The following TXNDC15 variants were observed in gnomAD, a reference collection of about 807,000 sequenced individuals.
TXNDC15 encodes thioredoxin domain containing 15.
TXNDC15 carries 24 observed loss-of-function variants against 35.0 expected under a neutral mutation model. That is an observed-to-expected ratio of 0.68 (90% confidence interval 0.50 to 0.96). TXNDC15 has a LOEUF of 0.96. TXNDC15 is among the 40% of genes least tolerant of loss of function. The pLI, the probability that TXNDC15 is intolerant of heterozygous loss-of-function variation, is 0.00. For missense variants in TXNDC15, 385 were observed against 453.3 expected (o/e 0.85, Z 1.37); for synonymous variants, 169 against 174.0 (o/e 0.97, Z 0.23).
At chr5:134,883,201 T>C (rs1750195514) in intron 1 of TXNDC15, among the ~76,000 whole-genome samples, 6 of 150,298 alleles carry the variant, frequency 4.0e-5, no homozygotes, top group African/African-American at 9.8e-5. Flanking sequence ...CCAAGGTGGG[T>C]GGATCACGAG....
intron 1 of TXNDC15, among the ~76,000 whole-genome samples, chr5:134,882,576 T>G (rs1371797735): frequency 6.6e-6 from 1 of 152,224 alleles, no homozygotes; most frequent in East Asian, 1.9e-4. Context: ...TGAAGGAGAC[T>G]CCTGCAATCC....
chr5:134,894,827 CA>C (rs1460034731), intron 3 of TXNDC15, among the ~76,000 whole-genome samples: 3 of 151,998 alleles, frequency 2.0e-5, no homozygotes, highest in African/African-American at 7.3e-5. Flanking sequence ...AAATCTAGAA[CA>C]TCTGAAAAAT....
At chr5:134,882,743 G>T (rs1750184730) in intron 1 of TXNDC15, among the ~76,000 whole-genome samples, 1 of 152,100 alleles carries the variant, frequency 6.6e-6, no homozygotes, top group Non-Finnish European at 1.5e-5. Context: ...GGCAGGCTGA[G>T]GCAGGAGAAT....
intron 1 of TXNDC15, 91 bp from the exon 2 acceptor site, chr5:134,887,604 G>T: frequency 6.7e-7 from 1 of 1,489,128 alleles, no homozygotes. Flanking sequence ...TCTCCAGAGG[G>T]GAAAATTTCG....
chr5:134,890,541 ACTG>A (rs1198638154), intron 2 of TXNDC15, among the ~76,000 whole-genome samples: 5 of 151,670 alleles, frequency 3.3e-5, no homozygotes, highest in African/African-American at 1.2e-4. Context: ...TCGCCGAATA[ACTG>A]GGATTACAGG....
chr5:134,874,760 G>A (rs1178731013), intron 1 of TXNDC15, among the ~76,000 whole-genome samples: 1 of 152,276 alleles, frequency 6.6e-6, no homozygotes, highest in African/African-American at 2.4e-5. Context: ...GTTGGGCCGC[G>A]TTCAGGCCGC....
At chr5:134,894,806 T>A (rs563749656) in intron 3 of TXNDC15, among the ~76,000 whole-genome samples, 1 of 152,232 alleles carries the variant, frequency 6.6e-6, no homozygotes, top group East Asian at 1.9e-4. Flanking sequence ...ACAAGGAGGT[T>A]GTGTGTAAAT....
Position 134,887,994 on chromosome 5 carries a change from G to GT in TXNDC15, c.403_404insT (p.Gly135ValfsTer8). On this transcript the variant is annotated frameshift_variant, in exon 2 of 5. Coordinates refer to ENST00000358387, the MANE Select transcript of TXNDC15 (RefSeq NM_024715.4). LOFTEE classifies it high-confidence loss of function. ...CCGAGAGAGCCTTTTCTCTCTGGAT[G>GT]GCGCTGGAGCACACTTCCCTGACAG... The GT allele has an allele frequency of 6.2e-7, 1 of 1,614,232 alleles. No individual in the cohort carries two copies. Among genetic ancestry groups the GT allele is most frequent in the Non-Finnish European group, 8.5e-7 (1 of 1,180,048 alleles).
intron 2 of TXNDC15, among the ~76,000 whole-genome samples, chr5:134,888,614 G>A (rs1010890937): frequency 6.6e-6 from 1 of 152,120 alleles, no homozygotes; most frequent in African/African-American, 2.4e-5. Flanking sequence ...CTCCCATGTA[G>A]CTGGGATTAC....
chr5:134,889,652 A>G (rs1431635437), intron 2 of TXNDC15, among the ~76,000 whole-genome samples: 1 of 152,202 alleles, frequency 6.6e-6, no homozygotes, highest in Non-Finnish European at 1.5e-5. Flanking sequence ...ATTCCATTTT[A>G]GATGGTTTGA....
chr5:134,894,209 A>G (rs1750443638), intron 3 of TXNDC15, among the ~76,000 whole-genome samples: 1 of 151,588 alleles, frequency 6.6e-6, no homozygotes, highest in South Asian at 2.1e-4. Context: ...GCTCTTTAAC[A>G]TGACATTTAT....
rs1377316826 is a variant in TXNDC15, at chr5:134,893,477, T to C, written c.592-15T>C. ...CTTTTACTGCTAACTTTAATGCTTG[T>C]TTCTTTTACCACAGGACCTTATGGA... On this transcript the variant is annotated splice_polypyrimidine_tract_variant and intron_variant, in intron 2 of 4. Coordinates refer to ENST00000358387, the MANE Select transcript of TXNDC15 (RefSeq NM_024715.4). The C allele has an allele frequency of 6.2e-7, 1 of 1,613,496 alleles. No homozygotes were observed. Among genetic ancestry groups the C allele is most frequent in the Admixed American group, 1.7e-5 (1 of 59,986 alleles).
chr5:134,894,268 T>G (rs1580867831), intron 3 of TXNDC15, among the ~76,000 whole-genome samples: 2 of 152,168 alleles, frequency 1.3e-5, no homozygotes, highest in East Asian at 3.8e-4. Flanking sequence ...TTGTCCAGGC[T>G]GGCCTTGAAC....
intron 1 of TXNDC15, among the ~76,000 whole-genome samples, chr5:134,881,814 G>A (rs1750152707): frequency 6.7e-6 from 1 of 149,924 alleles, no homozygotes; most frequent in African/African-American, 2.5e-5. Flanking sequence ...GCCGGGCGGG[G>A]GGCTGACGCT....
chr5:134,896,834 G>A (rs1299068805), intron 4 of TXNDC15, among the ~76,000 whole-genome samples: 13 of 151,842 alleles, frequency 8.6e-5, no homozygotes, highest in Admixed American at 2.6e-4. Flanking sequence ...TAATAGAGAC[G>A]GGGTTTCACC....
intron 1 of TXNDC15, among the ~76,000 whole-genome samples, chr5:134,876,049 G>A (rs1267136171): frequency 1.3e-5 from 2 of 152,152 alleles, no homozygotes; most frequent in South Asian, 2.1e-4. Flanking sequence ...GAGCCAATAA[G>A]TCCTTTGACA....
chr5:134,874,854 TA>T (rs2150182455), intron 1 of TXNDC15, among the ~76,000 whole-genome samples: 1 of 152,368 alleles, frequency 6.6e-6, no homozygotes, highest in African/African-American at 2.4e-5. Context: ...AATTTATTAT[TA>T]ATAACATTAT....
At chr5:134,887,036 T>C (rs1217774074) in intron 1 of TXNDC15, among the ~76,000 whole-genome samples, 5 of 152,364 alleles carry the variant, frequency 3.3e-5, no homozygotes, top group Non-Finnish European at 7.3e-5. Flanking sequence ...ATGAAACTCT[T>C]ATCAAAAAAT....
chr5:134,893,894 G>C (rs1405710107), intron 3 of TXNDC15, among the ~76,000 whole-genome samples: 3 of 152,120 alleles, frequency 2.0e-5, no homozygotes, highest in African/African-American at 7.2e-5. Flanking sequence ...TTTAAAGGTG[G>C]CAGGTGGTAG....
Sources: gnomAD v4.1 joint callset for allele counts (sites outside exome capture counted in the v4.1 genomes callset) on GRCh38, gnomAD v4.1.1 for gene constraint, MANE v1.5 for transcripts, NCBI Gene and HGNC (gene_info 2026-07-23, HGNC 2026-07-21) for gene names.